The following DPYSL5 variants were observed in gnomAD, a reference collection of about 807,000 sequenced individuals.
DPYSL5 encodes the protein dihydropyrimidinase like 5.
In DPYSL5, 9 loss-of-function variants were observed where a neutral mutation model predicts 58.4. The observed-to-expected ratio is 0.15, with a 90% CI of 0.09 to 0.27. The LOEUF is 0.27. DPYSL5 is among the 10% of genes least tolerant of loss of function. The pLI is 1.00. For synonymous variants in DPYSL5, 293 were observed against 301.9 expected, an observed-to-expected ratio of 0.97 and a Z score of 0.31; for missense variants, 499 against 770.6, an observed-to-expected ratio of 0.65 and a Z score of 4.17.
At chr2:26,863,204 T>A (rs779774201) in intron 1 of DPYSL5, among the ~76,000 whole-genome samples, 3 of 152,074 alleles carry the variant, frequency 2.0e-5, no homozygotes, top group African/African-American at 4.8e-5. Context: ...GCCCACCCCT[T>A]CCTCCAATGT....
chr2:26,866,888 C>T (rs772581424), intron 1 of DPYSL5, among the ~76,000 whole-genome samples: 2 of 151,944 alleles, frequency 1.3e-5, no homozygotes, highest in East Asian at 1.9e-4. Flanking sequence ...TGTGCCACCA[C>T]GCCCAGCTAA....
intron 1 of DPYSL5, among the ~76,000 whole-genome samples, chr2:26,855,715 G>A (rs890527975): frequency 1.3e-5 from 2 of 152,056 alleles, no homozygotes; most frequent in East Asian, 1.9e-4. Flanking sequence ...TTTCAAATCC[G>A]CCATGGGCTG....
chr2:26,927,404 A>T lies in DPYSL5; in HGVS notation c.572A>T (p.His191Leu), dbSNP rs1281674024. ...CKDIGAIARVHAENGELVAEG... is the reference protein window; with the variant it reads ...CKDIGAIARVLAENGELVAEG... ...GACATTGGGGCAATCGCCCGCGTCCATGCTGAAAATGGGGAGCTTGTGGCC... is the reference window on the plus strand; with the variant it reads ...GACATTGGGGCAATCGCCCGCGTCCTTGCTGAAAATGGGGAGCTTGTGGCC... The change falls in exon 4 of 13, where the codon CAT (histidine) becomes CTT (leucine). Residue 191 changes from histidine to leucine, a missense_variant. By Grantham distance (99) the His-to-Leu change is moderately conservative (BLOSUM62 -3). Coordinates refer to ENST00000288699, the MANE Select transcript of DPYSL5 (RefSeq NM_020134.4). This position sits in a 1 kb window ranked among gnomAD's most constrained non-coding sequence, Gnocchi z 4.3. 6.2e-7 allele frequency: 1 copy of T among 1,614,066 alleles called. No individual in the cohort carries two copies. Among genetic ancestry groups the T allele is most frequent in the Non-Finnish European group, 8.5e-7 (1 of 1,180,042 alleles).
intron 2 of DPYSL5, among the ~76,000 whole-genome samples, chr2:26,903,103 A>G (rs948532310): frequency 1.3e-5 from 2 of 149,432 alleles, no homozygotes; most frequent in African/African-American, 2.5e-5. Context: ...GAAGTCTCAC[A>G]CTGTCACCCA....
intron 2 of DPYSL5, among the ~76,000 whole-genome samples, chr2:26,910,337 T>A (rs1444538586): frequency 6.6e-6 from 1 of 152,198 alleles, no homozygotes; most frequent in Non-Finnish European, 1.5e-5. Flanking sequence ...GTAACAATTT[T>A]TTTTTCCCCA....
intron 2 of DPYSL5, among the ~76,000 whole-genome samples, chr2:26,920,356 C>T (rs578075269): frequency 3.6e-4 from 55 of 152,264 alleles, no homozygotes; most frequent in African/African-American, 1.1e-3. Flanking sequence ...ATTTTAAATA[C>T]TGCAGTTTTA....
intron 5 of DPYSL5, among the ~76,000 whole-genome samples, chr2:26,930,862 T>C (rs1234834785): frequency 6.6e-6 from 1 of 151,010 alleles, no homozygotes; most frequent in Non-Finnish European, 1.5e-5. Context: ...TAGTCCCAGC[T>C]ACGCGGGAGG....
At position 26,933,535 on chromosome 2, in the gene DPYSL5, C is replaced by G. The variant is rs1665090845; in HGVS notation, c.790+202C>G. Among the ~76,000 whole-genome samples the G allele has an allele frequency of 6.6e-6, 1 of 152,210 alleles. No homozygotes were observed. The highest frequency in any genetic ancestry group is 1.5e-5 in the Non-Finnish European group (1 of 68,038). On this transcript the variant is annotated intron_variant, in intron 7 of 12. Coordinates refer to ENST00000288699, the MANE Select transcript of DPYSL5 (RefSeq NM_020134.4). The surrounding 1 kb of genome is among the most constrained non-coding windows in gnomAD (Gnocchi z 4.2). Reference sequence around the variant, plus strand: ...TCTGCTAGAACATGAGCTTTTTCTTCTGCAAATTTGTATGCATAACAGCTT... The same window carrying G: ...TCTGCTAGAACATGAGCTTTTTCTTGTGCAAATTTGTATGCATAACAGCTT...
chr2:26,934,668 A>G lies in DPYSL5; in HGVS notation c.881A>G (p.Tyr294Cys). ...CAGGACTGGTCCCACGCGGCTGCCT[A>G]TGTCACGGTGCCTCCCCTGAGACTG... ...YHQDWSHAAAYVTVPPLRLDT... is the reference protein window; with the variant it reads ...YHQDWSHAAACVTVPPLRLDT... Residue 294 changes from tyrosine (Y) to cysteine (C), a missense_variant, in exon 8 of 13, where the codon TAT (tyrosine) becomes TGT (cysteine). Tyr to Cys is a radical substitution (Grantham distance 194). This residue lies in a region of DPYSL5 where 404 missense variants were observed against 647.6 expected (regional missense o/e 0.62). Transcript: ENST00000288699. The surrounding 1 kb of genome is among the most constrained non-coding windows in gnomAD (Gnocchi z 4.3). The G allele has an allele frequency of 1.9e-6, 3 of 1,614,060 alleles. No individual in the cohort carries two copies. Among genetic ancestry groups the G allele is most frequent in the South Asian group, 1.1e-5 (1 of 91,060 alleles).
intron 8 of DPYSL5, among the ~76,000 whole-genome samples, chr2:26,935,297 A>G (rs962263206): frequency 2.6e-5 from 4 of 152,160 alleles, no homozygotes; most frequent in Non-Finnish European, 5.9e-5. Flanking sequence ...ATCTAAAGGA[A>G]ATGGTTTGAT....
chr2:26,863,788 G>A (rs1666077089), intron 1 of DPYSL5, among the ~76,000 whole-genome samples: 2 of 152,150 alleles, frequency 1.3e-5, no homozygotes, highest in South Asian at 2.1e-4. Context: ...TCTAGGGATT[G>A]GCTGATTCTA....
intron 2 of DPYSL5, among the ~76,000 whole-genome samples, chr2:26,901,167 A>C (rs1432032767): frequency 6.6e-6 from 1 of 152,226 alleles, no homozygotes. Context: ...GCCCCAGTCC[A>C]TGTCAGGCCC....
chr2:26,937,856 C>G (rs557653964), intron 8 of DPYSL5, among the ~76,000 whole-genome samples: 64 of 151,970 alleles, frequency 4.2e-4, no homozygotes, highest in African/African-American at 1.4e-3. Flanking sequence ...GTGAGCCACC[C>G]TGCACCACCG....
chr2:26,931,203 G>GTA lies in DPYSL5; in HGVS notation c.670-411_670-410dup, dbSNP rs373034710. 2.3e-3 allele frequency among the ~76,000 whole-genome samples: 102 copies of GTA among 44,926 alleles called. 5 individuals carry two copies. The highest frequency in any genetic ancestry group is 9.1e-3 in the East Asian group (11 of 1,212). 29.5% of individuals were successfully genotyped at this position (44,926 alleles called of 152,430 possible). ...TGTGTGTGTGTGTGTGTGTGTGTGT[G>GTA]TATATATATATATATATATATATAT... On this transcript the variant is annotated intron_variant, in intron 5 of 12. Transcript: ENST00000288699.
intron 2 of DPYSL5, among the ~76,000 whole-genome samples, chr2:26,903,044 C>T (rs1161674049): frequency 2.0e-5 from 3 of 151,940 alleles, no homozygotes; most frequent in African/African-American, 7.3e-5. Context: ...ATGGAGTAGC[C>T]ATTCTTTTAT....
chr2:26,932,212 G>GAAAGAAGGAAAGA (rs1665049256), intron 6 of DPYSL5, among the ~76,000 whole-genome samples: 1 of 58,470 alleles, frequency 1.7e-5, no homozygotes, highest in African/African-American at 7.2e-5. Context: ...AGAAAGAAAA[G>GAAAGAAGGAAAGA]AAAGAAAGAA....
intron 6 of DPYSL5, among the ~76,000 whole-genome samples, chr2:26,932,048 GGAAAGAAAGAAA>G (rs149642423): frequency 0.031 from 1,460 of 47,638 alleles, 175 homozygotes; most frequent in African/African-American, 0.12. Context: ...AAGAAAGAAA[GGAAAGAAAGAAA>G]GAAAGAAAGA....
intron 1 of DPYSL5, among the ~76,000 whole-genome samples, chr2:26,883,954 C>T (rs541597): frequency 0.013 from 1,935 of 152,274 alleles, 43 homozygotes; most frequent in African/African-American, 0.043. Flanking sequence ...GAAGAGCCCC[C>T]GCCCCGTTTC....
intron 1 of DPYSL5, among the ~76,000 whole-genome samples, chr2:26,893,571 T>G (rs1663941574): frequency 6.6e-6 from 1 of 152,252 alleles, no homozygotes; most frequent in African/African-American, 2.4e-5. Flanking sequence ...GGTCTACTAC[T>G]CATTGCTTTA....
Sources: allele counts gnomAD v4.1 joint callset (sites outside exome capture counted in the v4.1 genomes callset), GRCh38; gene constraint gnomAD v4.1.1; regional missense constraint gnomAD v4.1.1; non-coding constraint Gnocchi (gnomAD v3.1); transcripts MANE v1.5; gene names NCBI Gene and HGNC (gene_info 2026-07-23, HGNC 2026-07-21).